Variants in LDLRAD2 observed in about 807,000 individuals in gnomAD.
The protein encoded by LDLRAD2 is low-density lipoprotein receptor class A domain-containing protein 2.
LDLRAD2 carries 25 observed loss-of-function variants against 24.9 expected under a neutral mutation model. The ratio of observed to expected loss-of-function variants is 1.00; its 90% confidence interval spans 0.73 to 1.40. The LOEUF (loss-of-function observed/expected upper bound fraction) is 1.40. LDLRAD2 is among the 40% of genes most tolerant of loss of function. The pLI is 0.00. For synonymous variants in LDLRAD2, 182 were observed against 166.7 expected (o/e 1.09, Z -0.71); for missense variants, 391 against 366.2 (o/e 1.07, Z -0.55).
intron 4 of LDLRAD2, 64 bp downstream of exon 4, chr1:21,821,675 G>A (rs992072175): frequency 5.0e-5 from 79 of 1,588,184 alleles, no homozygotes; most frequent in Non-Finnish European, 6.0e-5. Flanking sequence ...TGATGGGGAC[G>A]GGGCAGAGGA....
At chr1:21,812,637 G>A (rs888054601) in intron 1 of LDLRAD2, 101 bp downstream of exon 1, 1 of 981,136 alleles carries the variant, frequency 1.0e-6, no homozygotes, top group African/African-American at 1.6e-5. Flanking sequence ...GCTGGGCTGA[G>A]ACCTTTTGAG....
intron 3 of LDLRAD2, among the ~76,000 whole-genome samples, chr1:21,818,065 CG>C (rs2097945830): frequency 7.0e-6 from 1 of 142,640 alleles, no homozygotes; most frequent in African/African-American, 2.6e-5. Context: ...TTAGTAGAGA[CG>C]GGATTTCTCC....
chr1:21,824,407 C>T lies in LDLRAD2; in HGVS notation c.*2192C>T. The T allele has an allele frequency of 6.2e-7, 1 of 1,612,612 alleles. No homozygotes were observed. Reference sequence around the variant, plus strand: ...AGGGAAGCACAGGGTCTCTGGGGTCCCCAGCCTGGAGAGCAGAGGCTGCCG... The same window carrying T: ...AGGGAAGCACAGGGTCTCTGGGGTCTCCAGCCTGGAGAGCAGAGGCTGCCG... On this transcript the variant is annotated 3_prime_UTR_variant, in exon 5 of 5. Coordinates refer to ENST00000344642, the MANE Select transcript of LDLRAD2 (RefSeq NM_001013693.3). This position sits in a 1 kb window ranked among gnomAD's most constrained non-coding sequence, Gnocchi z 5.9.
At chr1:21,815,410 T>C (rs1327400489) in intron 2 of LDLRAD2, among the ~76,000 whole-genome samples, 2 of 152,198 alleles carry the variant, frequency 1.3e-5, no homozygotes, top group Non-Finnish European at 2.9e-5. Flanking sequence ...AAGGGTGTGC[T>C]TAGGACTCGC....
Position 21,812,483 on chromosome 1 carries a change from A to C in LDLRAD2, c.32A>C (p.Gln11Pro), listed in dbSNP as rs750851320. The part of the protein sequence containing the change: MEACCLLQLP[Q>P]RLLLLGAAAL... ...GCTTGTTGTCTTCTGCAGTTGCCCCAAAGGTTGCTCTTGCTGGGGGCAGCC... is the reference window on the plus strand; with the variant it reads ...GCTTGTTGTCTTCTGCAGTTGCCCCCAAGGTTGCTCTTGCTGGGGGCAGCC... The change falls in exon 1 of 5, where the codon CAA becomes CCA. Residue 11 changes from glutamine to proline, a missense_variant. Coordinates refer to ENST00000344642, the MANE Select transcript of LDLRAD2 (RefSeq NM_001013693.3). The C allele has an allele frequency of 6.2e-7, 1 of 1,614,128 alleles. No individual in the cohort carries two copies. Among genetic ancestry groups the C allele is most frequent in the Non-Finnish European group, 8.5e-7 (1 of 1,179,988 alleles).
chr1:21,815,109 C>T (rs2097942563), intron 2 of LDLRAD2, among the ~76,000 whole-genome samples: 1 of 152,190 alleles, frequency 6.6e-6, no homozygotes, highest in South Asian at 2.1e-4. Context: ...CACATCCACA[C>T]ACATCCACAC....
In LDLRAD2 at chr1:21,823,853, C is replaced by T. The variant is rs1283441886; in HGVS notation, c.*1638C>T. ...CCCTGTTTCCCAAGCTCTTTCTTTC[C>T]CCCGCTGAACGAGAGATCGGGCCCC... is the stretch of plus-strand genomic sequence containing the variant. On this transcript the variant is annotated 3_prime_UTR_variant, in exon 5 of 5. Coordinates refer to ENST00000344642, the MANE Select transcript of LDLRAD2 (RefSeq NM_001013693.3). The T allele has an allele frequency of 1.3e-6, 1 of 789,280 alleles. No individual in the cohort carries two copies. The highest frequency in any genetic ancestry group is 2.1e-6 in the Non-Finnish European group (1 of 466,482). 48.9% of individuals were successfully genotyped at this position (789,280 alleles called of 1,614,324 possible). A position where few individuals can be genotyped will look rare whatever the true frequency, so the allele number is the denominator to read the frequency against.
chr1:21,823,559 C>G lies in LDLRAD2; in HGVS notation c.*1344C>G. ...GGAGGCGAGGAAGGCTGGGCGAGCT[C>G]TAGCCCTAAGGGAGTGCCGTTCCTG... On this transcript the variant is annotated 3_prime_UTR_variant, in exon 5 of 5. Coordinates refer to ENST00000344642, the MANE Select transcript of LDLRAD2 (RefSeq NM_001013693.3). 6.2e-7 allele frequency: 1 copy of G among 1,610,570 alleles called. No homozygotes were observed.
At chr1:21,818,458 T>G (rs146889174) in intron 3 of LDLRAD2, among the ~76,000 whole-genome samples, 1 of 152,376 alleles carries the variant, frequency 6.6e-6, no homozygotes, top group African/African-American at 2.4e-5. Flanking sequence ...TGGGATTTAT[T>G]TGATACTTTT....
intron 1 of LDLRAD2, among the ~76,000 whole-genome samples, chr1:21,814,097 C>G (rs1193572973): frequency 1.3e-5 from 2 of 152,166 alleles, no homozygotes; most frequent in Non-Finnish European, 2.9e-5. Flanking sequence ...TCTCGAACTC[C>G]TGACCTCAGG....
rs748290210 is a variant in LDLRAD2 at position 21,814,390 on chromosome 1, C to T, written c.86-8C>T. On this transcript the variant is annotated splice_polypyrimidine_tract_variant and splice_region_variant and intron_variant, in intron 1 of 4. Transcript: ENST00000344642. Reference sequence around the variant, plus strand: ...GCGCGGCTCCAGTTTCCGTGCCTTCCGCTGCAGCCGACCTGGCGGAACTGT... The same window carrying T: ...GCGCGGCTCCAGTTTCCGTGCCTTCTGCTGCAGCCGACCTGGCGGAACTGT... 2 of 1,580,100 alleles carry T rather than the reference C, an allele frequency of 1.3e-6. No homozygotes were observed. Among genetic ancestry groups the T allele is most frequent in the Admixed American group, 3.5e-5 (2 of 56,928 alleles).
chr1:21,820,448 G>A (rs191114444), intron 3 of LDLRAD2, among the ~76,000 whole-genome samples: 48 of 150,942 alleles, frequency 3.2e-4, no homozygotes, highest in Non-Finnish European at 3.0e-5. Context: ...GCGTGAACCC[G>A]GAAGGCGGAG....
rs2097952486 is a variant in LDLRAD2 at position 21,821,863 on chromosome 1, C to T, written c.805+252C>T. 4 of 1,425,022 alleles carry T rather than the reference C, an allele frequency of 2.8e-6. No individual in the cohort carries two copies. In the Admixed American group the frequency reaches 1.2e-4, roughly 41 times the overall value. The allele number at this position is 1,425,022 out of a possible 1,614,324, so 88.3% of individuals were successfully genotyped here. On this transcript the variant is annotated intron_variant, in intron 4 of 4. Coordinates refer to ENST00000344642, the MANE Select transcript of LDLRAD2 (RefSeq NM_001013693.3). ...GTGCCCGTGGCCTCTGCCTCCACTG[C>T]AGCACAGCCTGTACCACGTGCTACC...
chr1:21,821,693 C>T (rs1325164065), intron 4 of LDLRAD2, 82 bp downstream of exon 4: 27 of 1,567,258 alleles, frequency 1.7e-5, no homozygotes, highest in Admixed American at 1.1e-4. Context: ...GGACCCAGGC[C>T]GAGGCCTGAG....
Position 21,824,375 on chromosome 1 carries a change from T to G in LDLRAD2, c.*2160T>G. 1.9e-6 allele frequency: 3 copies of G among 1,613,822 alleles called. No individual in the cohort carries two copies. The South Asian group carries it at 3.3e-5, about 18-fold the overall frequency. ...CTTGCCTTGGCCGGCCTCTCCCACCTCCTGCCAGGGAAGCACAGGGTCTCT... is the reference window on the plus strand; with the variant it reads ...CTTGCCTTGGCCGGCCTCTCCCACCGCCTGCCAGGGAAGCACAGGGTCTCT... On this transcript the variant is annotated 3_prime_UTR_variant, in exon 5 of 5. Coordinates refer to ENST00000344642, the MANE Select transcript of LDLRAD2 (RefSeq NM_001013693.3). The surrounding 1 kb of genome is among the most constrained non-coding windows in gnomAD (Gnocchi z 5.9).
chr1:21,824,055 T>C lies in LDLRAD2; in HGVS notation c.*1840T>C. ...TCAATACCTGCCTCTCTGCCCATGGTAGGGGGCGTCCTGCCCCACTCCAGA... is the reference window on the plus strand; with the variant it reads ...TCAATACCTGCCTCTCTGCCCATGGCAGGGGGCGTCCTGCCCCACTCCAGA... On this transcript the variant is annotated 3_prime_UTR_variant, in exon 5 of 5. Coordinates refer to ENST00000344642, the MANE Select transcript of LDLRAD2 (RefSeq NM_001013693.3). The surrounding 1 kb of genome is among the most constrained non-coding windows in gnomAD (Gnocchi z 5.9). 7.1e-7 allele frequency: 1 copy of C among 1,403,058 alleles called. No individual in the cohort carries two copies. The highest frequency in any genetic ancestry group is 1.0e-6 in the Non-Finnish European group (1 of 1,004,018). 86.9% of individuals were successfully genotyped at this position (1,403,058 alleles called of 1,614,324 possible). A position where few individuals can be genotyped will look rare whatever the true frequency, so the allele number is the denominator to read the frequency against.
chr1:21,816,868 C>T (rs965029099), intron 3 of LDLRAD2, among the ~76,000 whole-genome samples: 1 of 152,154 alleles, frequency 6.6e-6, no homozygotes, highest in Non-Finnish European at 1.5e-5. Context: ...GGCTCATTCC[C>T]TTGTGGGTCT....
At chr1:21,820,239 A>C (rs972625863) in intron 3 of LDLRAD2, among the ~76,000 whole-genome samples, 1 of 152,272 alleles carries the variant, frequency 6.6e-6, no homozygotes, top group African/African-American at 2.4e-5. Flanking sequence ...TGCCACAGTA[A>C]GAAAAGCGGC....
At chr1:21,812,917 C>G (rs1028727009) in intron 1 of LDLRAD2, among the ~76,000 whole-genome samples, 1 of 152,172 alleles carries the variant, frequency 6.6e-6, no homozygotes, top group Admixed American at 6.5e-5. Context: ...AATAATAGGC[C>G]CTTGCCCCTT....
Sources: gnomAD v4.1 joint callset for allele counts (sites outside exome capture counted in the v4.1 genomes callset) on GRCh38, gnomAD v4.1.1 for gene constraint, Gnocchi (gnomAD v3.1) non-coding constraint, MANE v1.5 for transcripts, NCBI Gene and HGNC (gene_info 2026-07-23, HGNC 2026-07-21) for gene names.